ADRA1B: variants seen among roughly 807,000 people sequenced by gnomAD.
ADRA1B encodes the protein adrenoceptor alpha 1B, also known as alpha-1B adrenergic receptor.
Under a neutral mutation model 17.9 loss-of-function variants are expected in ADRA1B, and 17 were observed. The ratio of observed to expected loss-of-function variants is 0.95; its 90% confidence interval spans 0.65 to 1.42. The LOEUF (loss-of-function observed/expected upper bound fraction) is 1.42. ADRA1B is among the 40% of genes most tolerant of loss of function. ADRA1B has a pLI of 0.00. For missense variants in ADRA1B, 681 were observed against 722.1 expected, an observed-to-expected ratio of 0.94 and a Z score of 0.65; for synonymous variants, 366 against 327.6, an observed-to-expected ratio of 1.12 and a Z score of -1.27.
intron 1 of ADRA1B, among the ~76,000 whole-genome samples, chr5:159,942,953 T>C (rs1755174659): frequency 6.6e-6 from 1 of 152,176 alleles, no homozygotes; most frequent in Admixed American, 6.5e-5. Flanking sequence ...AATAAAAACA[T>C]AAATTAGATC....
chr5:159,909,979 A>G (rs1265699991), intron 1 of ADRA1B, among the ~76,000 whole-genome samples: 1 of 152,240 alleles, frequency 6.6e-6, no homozygotes, highest in African/African-American at 2.4e-5. Flanking sequence ...GAACCCAAAA[A>G]GTTTTAAGAA....
At chr5:159,884,535 C>T (rs547494827) in intron 1 of ADRA1B, among the ~76,000 whole-genome samples, 25 of 152,298 alleles carry the variant, frequency 1.6e-4, no homozygotes, top group African/African-American at 5.8e-4. Context: ...GCCCCTTGAT[C>T]TTGGACTTCC....
intron 1 of ADRA1B, among the ~76,000 whole-genome samples, chr5:159,918,795 T>G (rs1754398867): frequency 6.6e-6 from 1 of 152,236 alleles, no homozygotes; most frequent in African/African-American, 2.4e-5. Flanking sequence ...TGTCACATGC[T>G]GTCCACATGG....
At chr5:159,950,970 C>T (rs938808119) in intron 1 of ADRA1B, 17 of 605,462 alleles carry the variant, frequency 2.8e-5, no homozygotes, top group Non-Finnish European at 4.4e-5. Flanking sequence ...ATGGCGTGGA[C>T]TGTATTCTGG....
At chr5:159,893,606 T>C (rs899760491) in intron 1 of ADRA1B, among the ~76,000 whole-genome samples, 1 of 152,216 alleles carries the variant, frequency 6.6e-6, no homozygotes, top group Admixed American at 6.5e-5. Context: ...TCAAGAAAGA[T>C]GCAATTCTTT....
upstream of ADRA1B, chr5:159,916,075 C>G (rs369580866): frequency 2.4e-4 from 36 of 152,450 alleles, no homozygotes; most frequent in African/African-American, 8.7e-4. Flanking sequence ...CGACTCAAGT[C>G]CCTCCCACCT....
intron 1 of ADRA1B, among the ~76,000 whole-genome samples, chr5:159,937,387 C>T (rs142392870): frequency 1.3e-5 from 2 of 152,238 alleles, no homozygotes; most frequent in East Asian, 3.9e-4. Context: ...AAGGCTGGAA[C>T]CAGGATATGT....
intron 1 of ADRA1B, among the ~76,000 whole-genome samples, chr5:159,926,322 C>G (rs1378636878): frequency 1.3e-5 from 2 of 152,150 alleles, no homozygotes; most frequent in Non-Finnish European, 2.9e-5. Context: ...GTAATCACTC[C>G]CTTTATCCCT....
chr5:159,911,460 A>T (rs539591367), intron 1 of ADRA1B, among the ~76,000 whole-genome samples: 3 of 152,178 alleles, frequency 2.0e-5, no homozygotes, highest in African/African-American at 7.2e-5. Context: ...GCTCTCCCCA[A>T]ACATGTGATG....
At chr5:159,949,147 A>C (rs918250438) in intron 1 of ADRA1B, among the ~76,000 whole-genome samples, 1 of 152,182 alleles carries the variant, frequency 6.6e-6, no homozygotes, top group Non-Finnish European at 1.5e-5. Flanking sequence ...GAATCACCTT[A>C]CTCAATTACC....
intron 1 of ADRA1B, among the ~76,000 whole-genome samples, chr5:159,882,091 TAA>T (rs1415076023): frequency 1.3e-5 from 2 of 152,128 alleles, no homozygotes; most frequent in African/African-American, 4.8e-5. Flanking sequence ...CCTGTGTGCA[TAA>T]AGTTTGTATG....
intron 1 of ADRA1B, among the ~76,000 whole-genome samples, chr5:159,941,447 G>A (rs2113231624): frequency 6.6e-6 from 1 of 152,320 alleles, no homozygotes; most frequent in Non-Finnish European, 1.5e-5. Flanking sequence ...GAAGGGCACA[G>A]CCACTTTGAA....
chr5:159,987,794 TCTGA>T, the ADRA1B span, among the ~76,000 whole-genome samples: 10 of 152,134 alleles, frequency 6.6e-5, no homozygotes, highest in African/African-American at 1.4e-4. Flanking sequence ...TTTTCATGAG[TCTGA>T]CTAATTTTAT....
chr5:159,924,579 G>A (rs1388617288), intron 1 of ADRA1B, among the ~76,000 whole-genome samples: 1 of 152,180 alleles, frequency 6.6e-6, no homozygotes, highest in Non-Finnish European at 1.5e-5. Flanking sequence ...GAAGAATGAT[G>A]TGTGAAGAGC....
intron 1 of ADRA1B, among the ~76,000 whole-genome samples, chr5:159,961,893 C>T (rs1755669592): frequency 6.6e-6 from 1 of 152,236 alleles, no homozygotes; most frequent in African/African-American, 2.4e-5. Context: ...GTCTCTGAGC[C>T]TGCTCATTGC....
chr5:159,987,809 A>G, the ADRA1B span, among the ~76,000 whole-genome samples: 1 of 152,152 alleles, frequency 6.6e-6, no homozygotes, highest in East Asian at 1.9e-4. Context: ...CTAATTTTAT[A>G]TGGTCTATGG....
intron 1 of ADRA1B, among the ~76,000 whole-genome samples, chr5:159,942,169 G>T (rs905252794): frequency 6.6e-6 from 1 of 152,032 alleles, no homozygotes; most frequent in Admixed American, 6.5e-5. Flanking sequence ...TGATCCGCCC[G>T]CCTCGGCCTC....
chr5:159,985,739 C>T, the ADRA1B span, among the ~76,000 whole-genome samples: 1 of 152,234 alleles, frequency 6.6e-6, no homozygotes, highest in Non-Finnish European at 1.5e-5. Context: ...ACTCTTTCCT[C>T]AAAGGACTCT....
At chr5:159,930,749 G>A (rs541944258) in intron 1 of ADRA1B, among the ~76,000 whole-genome samples, 175 of 152,094 alleles carry the variant, frequency 1.2e-3, no homozygotes, top group African/African-American at 4.1e-3. Context: ...GGAGTGAGGA[G>A]GAGTAGATTA....
Sources: allele counts gnomAD v4.1 joint callset (sites outside exome capture counted in the v4.1 genomes callset), GRCh38; gene constraint gnomAD v4.1.1; transcripts MANE v1.5; gene names NCBI Gene and HGNC (gene_info 2026-07-23, HGNC 2026-07-21).